MDM1: variants seen among roughly 807,000 people sequenced by gnomAD.
MDM1 encodes Mdm1 nuclear protein.
A neutral mutation model predicts 89.1 loss-of-function variants in MDM1; 61 were observed. That is an observed-to-expected ratio of 0.68 (90% CI 0.56 to 0.85). The LOEUF is 0.85. Ranked by LOEUF, MDM1 falls within the 40% of genes least tolerant of loss-of-function variation. MDM1 has a pLI of 0.00. For synonymous variants in MDM1, 290 were observed against 294.1 expected (o/e 0.99, Z 0.14); for missense variants, 820 against 846.5 (o/e 0.97, Z 0.39).
rs141596502 is a variant in MDM1, at chr12:68,319,227, T to C, written c.1005+2120A>G. ...AAAAGCAATAGTCAAGTGGTTATTA[T>C]AATGGAGATGACAAATACACAACCA... On this transcript the variant is annotated intron_variant, in intron 7 of 14. Transcript: ENST00000682720. 3.4e-3 allele frequency among the ~76,000 whole-genome samples: 521 copies of C among 152,318 alleles called. 8 individuals carry two copies. Among genetic ancestry groups the C allele is most frequent in the African/African-American group, 0.012 (485 of 41,578 alleles).
chr12:68,303,654 G>A (rs1381352480), intron 12 of MDM1, among the ~76,000 whole-genome samples: 1 of 152,160 alleles, frequency 6.6e-6, no homozygotes, highest in Non-Finnish European at 1.5e-5. Flanking sequence ...AAACTGTGGT[G>A]TAACTATAGA....
chr12:68,311,217 CA>C (rs1834138404), intron 12 of MDM1, among the ~76,000 whole-genome samples: 1 of 152,152 alleles, frequency 6.6e-6, no homozygotes, highest in African/African-American at 2.4e-5. Context: ...CTTCTGCAGC[CA>C]AACATTACTG....
Position 68,294,689 on chromosome 12 carries a change from C to T in MDM1, c.*565G>A, listed in dbSNP as rs1304606200. 2 of 152,136 alleles carry T rather than the reference C, an allele frequency of 1.3e-5. No individual in the cohort carries two copies. Among genetic ancestry groups the T allele is most frequent in the Non-Finnish European group, 2.9e-5 (2 of 68,010 alleles). 9.4% of individuals were successfully genotyped at this position (152,136 alleles called of 1,614,324 possible). A position where few individuals can be genotyped will look rare whatever the true frequency, so the allele number is the denominator to read the frequency against. ...AAAGTCCTTACACAAATAGAATACA[C>T]TCAAAGATCAAAAATATACATATCT... On this transcript the variant is annotated 3_prime_UTR_variant, in exon 15 of 15. Transcript: ENST00000682720.
At chr12:68,308,948 A>G (rs1873311894) in intron 12 of MDM1, among the ~76,000 whole-genome samples, 1 of 152,030 alleles carries the variant, frequency 6.6e-6, no homozygotes, top group African/African-American at 2.4e-5. Flanking sequence ...AGTTTCATCC[A>G]CTTCTGTCTA....
chr12:68,299,436 T>C (rs1053630244), intron 13 of MDM1, among the ~76,000 whole-genome samples: 9 of 151,378 alleles, frequency 5.9e-5, no homozygotes, highest in African/African-American at 1.9e-4. Context: ...GAGATAGATA[T>C]CATAAAGAAA....
intron 14 of MDM1, among the ~76,000 whole-genome samples, chr12:68,296,324 C>T (rs1007462251): frequency 2.0e-4 from 31 of 152,112 alleles, no homozygotes; most frequent in African/African-American, 7.0e-4. Flanking sequence ...ATGGTGAAAC[C>T]CCATCTCTAC....
Position 68,331,092 on chromosome 12 carries a change from G to C in MDM1, c.133+15C>G. The stretch of plus-strand genomic sequence containing the variant: ...TTAGCCCAGGTTAGAATGGCTATTA[G>C]CCTGCTCAACTTACCTAATTGATCT... On this transcript the variant is annotated intron_variant, in intron 2 of 14. Coordinates refer to ENST00000682720, the MANE Select transcript of MDM1 (RefSeq NM_001354969.2). 1 of 1,445,848 alleles carries C rather than the reference G, an allele frequency of 6.9e-7. No homozygotes were observed. Among genetic ancestry groups the C allele is most frequent in the Non-Finnish European group, 9.7e-7 (1 of 1,026,530 alleles). The allele number at this position is 1,445,848 out of a possible 1,614,324, so 89.6% of individuals were successfully genotyped here.
At chr12:68,313,395 C>A in intron 12 of MDM1, 48 bp downstream of exon 12, 1 of 1,285,096 alleles carries the variant, frequency 7.8e-7, no homozygotes, top group South Asian at 1.2e-5. Context: ...CATGTGTCTA[C>A]AATAATTAGT....
chr12:68,296,464 C>T (rs1419634853), intron 14 of MDM1, among the ~76,000 whole-genome samples: 3 of 152,234 alleles, frequency 2.0e-5, no homozygotes, highest in African/African-American at 7.2e-5. Context: ...TGCCACTGCA[C>T]TCCAGCCTGG....
rs1874540499 is a variant in MDM1 at position 68,316,607 on chromosome 12, A to T, written c.1009T>A (p.Ser337Thr). Residue 337 changes from serine to threonine, a missense_variant, in exon 8 of 15, where the codon TCT becomes ACT. Physicochemically the swap from Ser to Thr is moderately conservative, Grantham distance 58. Transcript: ENST00000682720. ...HVKGNMPNQGSLNAMWYAEVK... is the reference protein window; with the variant it reads ...HVKGNMPNQGTLNAMWYAEVK... Reference sequence around the variant, plus strand: ...TCAGCATACCACATGGCATTTAGAGAACCCTAGAGAAGGAATACAGAAACA... The same window carrying T: ...TCAGCATACCACATGGCATTTAGAGTACCCTAGAGAAGGAATACAGAAACA... 6.5e-7 allele frequency: 1 copy of T among 1,534,890 alleles called. No homozygotes were observed. Among genetic ancestry groups the T allele is most frequent in the Non-Finnish European group, 8.7e-7 (1 of 1,145,902 alleles).
chr12:68,301,228 C>G (rs78840024), intron 13 of MDM1, among the ~76,000 whole-genome samples: 9,360 of 152,244 alleles, frequency 0.061, 335 homozygotes, highest in Middle Eastern at 0.12. Context: ...AACCTACTAT[C>G]ACACCTCAAG....
At chr12:68,312,899 T>C (rs955034050) in intron 12 of MDM1, among the ~76,000 whole-genome samples, 4 of 152,192 alleles carry the variant, frequency 2.6e-5, no homozygotes, top group Non-Finnish European at 5.9e-5. Flanking sequence ...CAGATCCGCA[T>C]ACAGGTCAAT....
At position 68,295,348 on chromosome 12, in the gene MDM1, TCAGA is replaced by T. The variant is rs1249646508; in HGVS notation, c.2077_2080del (p.Ser693ArgfsTer35). On this transcript the variant is annotated frameshift_variant, in exon 15 of 15. Transcript: ENST00000682720. LOFTEE classifies it high-confidence loss of function. ...AGAAGCTGCAGAGCGAGCAGAAATC[TCAGA>T]CAATCTGTCCTCATCTGCAATGAAA... 1.9e-6 allele frequency: 3 copies of T among 1,612,208 alleles called. No individual in the cohort carries two copies. The African/African-American group carries it at 4.0e-5, about 22-fold the overall frequency.
intron 3 of MDM1, chr12:68,326,447 A>G: frequency 6.8e-7 from 1 of 1,469,140 alleles, no homozygotes; most frequent in Non-Finnish European, 9.0e-7. Flanking sequence ...AGATTATCAT[A>G]GTACAACTAC....
intron 12 of MDM1, among the ~76,000 whole-genome samples, chr12:68,304,395 C>T (rs1005918433): frequency 5.3e-5 from 8 of 152,158 alleles, no homozygotes; most frequent in Non-Finnish European, 1.2e-4. Flanking sequence ...CAAAACATTG[C>T]TTTCTAAACT....
chr12:68,295,112 T>C lies in MDM1; in HGVS notation c.*142A>G, dbSNP rs1265888227. The C allele has an allele frequency of 1.9e-6, 1 of 537,194 alleles. No homozygotes were observed. The highest frequency in any genetic ancestry group is 3.4e-6 in the Non-Finnish European group (1 of 297,390). 33.3% of individuals were successfully genotyped at this position (537,194 alleles called of 1,614,324 possible). A position where few individuals can be genotyped will look rare whatever the true frequency, so the allele number is the denominator to read the frequency against. Reference sequence around the variant, plus strand: ...TTTGTATAAGCCTATGTTAACAATTTCCAAGTAAACTGTTCTATTGGAAAT... The same window carrying C: ...TTTGTATAAGCCTATGTTAACAATTCCCAAGTAAACTGTTCTATTGGAAAT... On this transcript the variant is annotated 3_prime_UTR_variant, in exon 15 of 15. Coordinates refer to ENST00000682720, the MANE Select transcript of MDM1 (RefSeq NM_001354969.2).
chr12:68,320,099 A>G (rs1353535291), intron 7 of MDM1, among the ~76,000 whole-genome samples: 1 of 152,192 alleles, frequency 6.6e-6, no homozygotes, highest in Non-Finnish European at 1.5e-5. Context: ...GCTGACATCA[A>G]TTTACCAGCC....
intron 7 of MDM1, 144 bp from the exon 8 acceptor site, chr12:68,316,754 G>C (rs749223666): frequency 1.5e-6 from 1 of 689,446 alleles, no homozygotes; most frequent in Non-Finnish European, 2.4e-6. Context: ...TTAGTAATTA[G>C]TTCAGTAACC....
rs1413449860 is a variant in MDM1, at chr12:68,316,123, G to A, written c.1166C>T (p.Ser389Leu). The change falls in exon 9 of 15, where the codon TCA becomes TTA. Residue 389 changes from serine to leucine, a missense_variant. Coordinates refer to ENST00000682720, the MANE Select transcript of MDM1 (RefSeq NM_001354969.2). Reference sequence around the variant, plus strand: ...GATGTTGCTACTAACGGTTCCTTCTGAGCTTGTGGTTGAGGAGACATCCCA... The same window carrying A: ...GATGTTGCTACTAACGGTTCCTTCTAAGCTTGTGGTTGAGGAGACATCCCA... Reference protein sequence around the residue: ...CCWDVSSTTSSEGTVSSNIRA... With the variant: ...CCWDVSSTTSLEGTVSSNIRA... 2 of 1,613,690 alleles carry A rather than the reference G, an allele frequency of 1.2e-6. No individual in the cohort carries two copies. Among genetic ancestry groups the A allele is most frequent in the South Asian group, 1.1e-5 (1 of 91,036 alleles).
Sources: gnomAD v4.1 joint callset for allele counts (sites outside exome capture counted in the v4.1 genomes callset) on GRCh38, gnomAD v4.1.1 for gene constraint, MANE v1.5 for transcripts, NCBI Gene and HGNC (gene_info 2026-07-23, HGNC 2026-07-21) for gene names.